Variants in NEBL observed in about 807,000 individuals in gnomAD.
NEBL encodes nebulette.
Under a neutral mutation model 140.2 loss-of-function variants are expected in NEBL, and 122 were observed. The ratio of observed to expected loss-of-function variants is 0.87; its 90% CI spans 0.75 to 1.01. NEBL has a LOEUF of 1.01. Ranked by LOEUF, NEBL falls within the 50% of genes least tolerant of loss-of-function variation. The pLI, the probability that NEBL is intolerant of heterozygous loss-of-function variation, is 0.00. For synonymous variants in NEBL, 436 were observed against 398.9 expected, an observed-to-expected ratio of 1.09 and a Z score of -1.11; for missense variants, 1,365 against 1,231.3, an observed-to-expected ratio of 1.11 and a Z score of -1.62.
intron 26 of NEBL, among the ~76,000 whole-genome samples, chr10:20,799,946 TGTGA>T (rs971251332): frequency 5.9e-5 from 9 of 151,370 alleles, no homozygotes; most frequent in African/African-American, 1.9e-4. Flanking sequence ...TGTGTGTGTG[TGTGA>T]GACGGAGAAA....
At chr10:21,217,545 G>GA (rs980732531) in intron 3 of NEBL, among the ~76,000 whole-genome samples, 4 of 151,924 alleles carry the variant, frequency 2.6e-5, no homozygotes, top group Admixed American at 6.6e-5. Context: ...CTGCTGTTGA[G>GA]AAAAAAAAGT....
rs766990450 is a variant in NEBL, at chr10:20,787,293, C to G, written c.2777G>C (p.Gly926Ala). 8.7e-6 allele frequency: 14 copies of G among 1,612,800 alleles called. No individual in the cohort carries two copies. The East Asian group carries it at 1.6e-4, about 18-fold the overall frequency. Residue 926 changes from glycine to alanine, a missense_variant, in exon 27 of 28, where the codon GGA (glycine) becomes GCA (alanine). This residue lies in a region of NEBL where 1,323 missense variants were observed against 1,154.8 expected (regional missense o/e 1.15). Transcript: ENST00000377122. ...PSDEGAPVLP[G>A]AYQQSHSQGY... ...TTGGGAATGGCTTTGCTGATAGGCT[C>G]CGGGAAGAACAGGTGCTGCATGTTA...
chr10:20,854,392 A>G (rs1306057062), intron 9 of NEBL, among the ~76,000 whole-genome samples: 1 of 152,188 alleles, frequency 6.6e-6, no homozygotes, highest in Non-Finnish European at 1.5e-5. Context: ...GCCTGCCACA[A>G]GAGAGCTACC....
At chr10:21,198,762 C>T (rs1179401970) in intron 3 of NEBL, among the ~76,000 whole-genome samples, 1 of 152,044 alleles carries the variant, frequency 6.6e-6, no homozygotes. Context: ...AGTAACTTAG[C>T]TCTTCTTCTG....
intron 5 of NEBL, among the ~76,000 whole-genome samples, chr10:20,877,654 A>G (rs934706111): frequency 3.9e-5 from 6 of 152,176 alleles, no homozygotes; most frequent in African/African-American, 1.4e-4. Flanking sequence ...CTTTCCAACC[A>G]TGTGTGCAGT....
At position 21,252,742 on chromosome 10, in the gene NEBL, G is replaced by C. The variant is rs11012615; in HGVS notation, n.183-914C>G. Among the ~76,000 whole-genome samples the C allele has an allele frequency of 2.4e-4, 37 of 152,274 alleles. No individual in the cohort carries two copies. The East Asian group carries it at 6.4e-3, about 26-fold the overall frequency. On this transcript the variant is annotated intron_variant and non_coding_transcript_variant, in intron 1 of 8. Transcript: ENST00000675702. ...AGGCCAAGGCGGGCAGATCACCTGAGGTCAGGAGTTCAAGACCAGCCTGAC... is the reference window on the plus strand; with the variant it reads ...AGGCCAAGGCGGGCAGATCACCTGACGTCAGGAGTTCAAGACCAGCCTGAC...
At chr10:21,060,738 T>A (rs558615230) in intron 2 of NEBL, among the ~76,000 whole-genome samples, 80 of 152,156 alleles carry the variant, frequency 5.3e-4, no homozygotes, top group African/African-American at 1.9e-3. Context: ...TCCATTTCAA[T>A]CTAATTCTCA....
chr10:20,813,984 T>C lies in NEBL; in HGVS notation c.2301A>G (p.Thr767=), dbSNP rs762555413. 1.2e-6 allele frequency: 2 copies of C among 1,611,402 alleles called. No homozygotes were observed. The highest frequency in any genetic ancestry group is 1.7e-6 in the Non-Finnish European group (2 of 1,177,584). ...CTTCTTTAACATGTCTCATAGCAGG[T>C]GTATCTAAAATCAGACTTGGTCTAC... ...MKGRPSLILD[T]PAMRHVKEAQ... The change falls in exon 23 of 28, where the codon ACA becomes ACG. Residue 767 remains threonine, a synonymous_variant. Coordinates refer to ENST00000377122, the MANE Select transcript of NEBL (RefSeq NM_006393.3).
chr10:21,261,295 G>C (rs1171345938), intron 1 of NEBL, among the ~76,000 whole-genome samples: 1 of 152,146 alleles, frequency 6.6e-6, no homozygotes, highest in East Asian at 1.9e-4. Context: ...AAATTATCCT[G>C]ATTCCAACCT....
Position 21,091,484 on chromosome 10 carries a change from C to T in NEBL, c.165-71283G>A, listed in dbSNP as rs1250017101. 4.0e-5 allele frequency among the ~76,000 whole-genome samples: 6 copies of T among 151,620 alleles called. No homozygotes were observed. The East Asian group carries it at 1.2e-3, about 30-fold the overall frequency. On this transcript the variant is annotated intron_variant, in intron 2 of 6. Coordinates refer to the NEBL transcript ENST00000417816. ...CAGCCTACAAAATACACTGTTAACA[C>T]AAAACAAAAATACTTCACTTCTTTA...
chr10:21,147,955 A>T (rs1839972763), intron 2 of NEBL, among the ~76,000 whole-genome samples: 1 of 152,234 alleles, frequency 6.6e-6, no homozygotes, highest in African/African-American at 2.4e-5. Context: ...GGCAGTGATG[A>T]TACAATAATG....
upstream of NEBL, among the ~76,000 whole-genome samples, chr10:21,178,248 A>G (rs1477857633): frequency 6.6e-6 from 1 of 152,246 alleles, no homozygotes; most frequent in Non-Finnish European, 1.5e-5. Context: ...TACAGAAACA[A>G]TTACCTTCCT....
intron 3 of NEBL, among the ~76,000 whole-genome samples, chr10:21,200,476 G>A (rs1001344183): frequency 6.6e-6 from 1 of 151,840 alleles, no homozygotes; most frequent in African/African-American, 2.4e-5. Context: ...ACCATGCCCA[G>A]CTAACTTTTG....
chr10:21,156,952 A>G (rs898693075), intron 2 of NEBL, among the ~76,000 whole-genome samples: 1 of 152,192 alleles, frequency 6.6e-6, no homozygotes, highest in South Asian at 2.1e-4. Context: ...TCTTCTTGCC[A>G]TTTGAAACTG....
chr10:21,056,565 G>A (rs115745376), intron 2 of NEBL, among the ~76,000 whole-genome samples: 60 of 152,286 alleles, frequency 3.9e-4, no homozygotes, highest in African/African-American at 1.4e-3. Flanking sequence ...TGTTGAACAT[G>A]CATAGAGAAC....
intron 21 of NEBL, 105 bp from the exon 22 acceptor site, chr10:20,815,822 G>T (rs1173395218): frequency 4.9e-6 from 4 of 818,416 alleles, no homozygotes; most frequent in Non-Finnish European, 8.2e-6. Context: ...AGGCTGAAGT[G>T]CAGTGGTACA....
intron 2 of NEBL, chr10:21,029,332 A>G (rs1487228824): frequency 1.2e-6 from 2 of 1,611,052 alleles, no homozygotes; most frequent in Non-Finnish European, 1.7e-6. Flanking sequence ...AGAAGAGTCA[A>G]TTAAGGAATT....
intron 3 of NEBL, among the ~76,000 whole-genome samples, chr10:21,244,083 A>T (rs1273862873): frequency 6.6e-6 from 1 of 152,194 alleles, no homozygotes; most frequent in African/African-American, 2.4e-5. Flanking sequence ...AAAAATAATA[A>T]TGAAAATCAG....
At chr10:20,868,433 C>T (rs1844546704) in intron 7 of NEBL, 1 of 502,398 alleles carries the variant, frequency 2.0e-6, no homozygotes, top group Admixed American at 3.3e-5. Flanking sequence ...GAAAAATGTT[C>T]AGATTTATGC....
Sources: gnomAD v4.1 joint callset for allele counts (sites outside exome capture counted in the v4.1 genomes callset) on GRCh38, gnomAD v4.1.1 for gene constraint, gnomAD v4.1.1 regional missense constraint, MANE v1.5 for transcripts, NCBI Gene and HGNC (gene_info 2026-07-23, HGNC 2026-07-21) for gene names.